Variants in PPP1R42 observed in about 807,000 individuals in gnomAD.
PPP1R42 encodes leucine rich repeat containing 67.
A neutral mutation model predicts 31.0 loss-of-function variants in PPP1R42; 34 were observed. The observed-to-expected ratio is 1.10, with a 90% CI of 0.83 to 1.46. The LOEUF (loss-of-function observed/expected upper bound fraction) is 1.46, where lower values mean the gene tolerates loss of function less well. Ranked by LOEUF, PPP1R42 falls within the 40% of genes most tolerant of loss-of-function variation. PPP1R42 has a pLI of 0.00. For missense variants in PPP1R42, 268 were observed against 303.0 expected, an observed-to-expected ratio of 0.88 and a Z score of 0.86; for synonymous variants, 103 against 109.8, an observed-to-expected ratio of 0.94 and a Z score of 0.39.
chr8:66,984,243 C>T (rs554727885), intron 6 of PPP1R42: 22 of 1,495,348 alleles, frequency 1.5e-5, no homozygotes, highest in Non-Finnish European at 2.0e-5. Context: ...ACTGTTTAAA[C>T]TTCATCTCTC....
intron 7 of PPP1R42, among the ~76,000 whole-genome samples, chr8:66,965,444 CT>C (rs113305646): frequency 1.9e-3 from 263 of 139,060 alleles, no homozygotes; most frequent in Middle Eastern, 3.6e-3. Context: ...CTTCTTTTTT[CT>C]TTTTTTTTTT....
rs976337576 is a variant in PPP1R42, at chr8:67,028,400, T to A, written c.-85+91A>T. 8.6e-5 allele frequency: 58 copies of A among 675,640 alleles called. No individual in the cohort carries two copies. In the African/African-American group the frequency reaches 1.1e-3, roughly 13 times the overall value. The allele number at this position is 675,640 out of a possible 1,614,324, so 41.9% of individuals were successfully genotyped here. Reference sequence around the variant, plus strand: ...GCCCAAGGATCTGCATTTTAACAAATGTCCCGGAAAGTCTTACTGGCAGGC... The same window carrying A: ...GCCCAAGGATCTGCATTTTAACAAAAGTCCCGGAAAGTCTTACTGGCAGGC... On this transcript the variant is annotated intron_variant, in intron 1 of 7. Transcript: ENST00000685739.
At chr8:66,999,098 G>A (rs148744948) in intron 5 of PPP1R42, among the ~76,000 whole-genome samples, 1 of 151,958 alleles carries the variant, frequency 6.6e-6, no homozygotes, top group Non-Finnish European at 1.5e-5. Flanking sequence ...TTGTTCCCCC[G>A]GCCAGCTGGA....
chr8:67,017,868 T>G, intron 1 of PPP1R42, 37 bp from the exon 2 acceptor site: 8 of 1,062,582 alleles, frequency 7.5e-6, no homozygotes, highest in Non-Finnish European at 8.7e-6. Flanking sequence ...TATGATATCA[T>G]AGCAATTTAA....
chr8:66,985,842 G>C, intron 6 of PPP1R42: 1 of 1,209,286 alleles, frequency 8.3e-7, no homozygotes, highest in South Asian at 1.3e-5. Flanking sequence ...TCTGATGGAG[G>C]CCCAGGGATC....
intron 2 of PPP1R42, among the ~76,000 whole-genome samples, chr8:67,017,273 C>A (rs1416546432): frequency 6.6e-6 from 1 of 152,066 alleles, no homozygotes; most frequent in African/African-American, 2.4e-5. Flanking sequence ...GCTCAGAAGT[C>A]TGAGCTCAAG....
At chr8:67,001,339 G>T (rs1815483101) in intron 5 of PPP1R42, among the ~76,000 whole-genome samples, 1 of 147,086 alleles carries the variant, frequency 6.8e-6, no homozygotes, top group Non-Finnish European at 1.5e-5. Context: ...GCGTCACCAT[G>T]CCCGGTTAAG....
chr8:67,017,646 A>T lies in PPP1R42; in HGVS notation c.102T>A (p.Asn34Lys), dbSNP rs749799294. The change falls in exon 2 of 8, where the codon AAT (asparagine) becomes AAA (lysine). Residue 34 changes from asparagine to lysine, a missense_variant. By Grantham distance (94) the Asn-to-Lys change is moderately conservative (BLOSUM62 0). Transcript: ENST00000685739. ...TTGCATCTATATTTTTGTCTGAAAAATTTATATGAGTTATTTTCTTCAGGC... is the reference window on the plus strand; with the variant it reads ...TTGCATCTATATTTTTGTCTGAAAATTTTATATGAGTTATTTTCTTCAGGC... ...SQCLKKITHI[N>K]FSDKNIDAIE... 6.2e-5 allele frequency: 97 copies of T among 1,566,806 alleles called. No homozygotes were observed. The highest frequency in any genetic ancestry group is 3.5e-5 in the Non-Finnish European group (40 of 1,157,268).
At chr8:66,975,386 G>T (rs902207862) in intron 7 of PPP1R42, among the ~76,000 whole-genome samples, 40 of 152,218 alleles carry the variant, frequency 2.6e-4, no homozygotes, top group Admixed American at 1.1e-3. Flanking sequence ...AGTGGCTCAT[G>T]CCTGTAATCC....
At chr8:66,976,545 C>A (rs1448470411) in intron 7 of PPP1R42, among the ~76,000 whole-genome samples, 1 of 151,908 alleles carries the variant, frequency 6.6e-6, no homozygotes, top group African/African-American at 2.4e-5. Flanking sequence ...TTGCCTTATT[C>A]CCTCTGGCCT....
chr8:67,011,156 T>C (rs1264878288), intron 4 of PPP1R42, among the ~76,000 whole-genome samples: 1 of 152,140 alleles, frequency 6.6e-6, no homozygotes, highest in Admixed American at 6.6e-5. Context: ...GATGCCCCAA[T>C]AAACAAGTAA....
At chr8:67,011,040 C>T (rs193034556) in intron 4 of PPP1R42, among the ~76,000 whole-genome samples, 144 of 151,812 alleles carry the variant, frequency 9.5e-4, no homozygotes, top group Admixed American at 1.6e-3. Flanking sequence ...ATAACTTACC[C>T]GTTCTCCCTA....
intron 6 of PPP1R42, among the ~76,000 whole-genome samples, chr8:66,986,615 A>T (rs1176945789): frequency 6.6e-6 from 1 of 152,326 alleles, no homozygotes. Context: ...GTTTCCGTGA[A>T]CAAGTTGCTT....
chr8:66,985,616 T>G, intron 6 of PPP1R42: 1 of 1,373,640 alleles, frequency 7.3e-7, no homozygotes, highest in Non-Finnish European at 1.0e-6. Flanking sequence ...TCAGCTGTTT[T>G]CCTTGCCTTC....
At chr8:66,971,077 A>C (rs975040229) in intron 7 of PPP1R42, 8 of 1,534,420 alleles carry the variant, frequency 5.2e-6, no homozygotes, top group Admixed American at 2.0e-5. Context: ...GAAAAAGGCT[A>C]ATTTTGGCTT....
At chr8:66,967,793 T>G (rs11985129) in intron 7 of PPP1R42, among the ~76,000 whole-genome samples, 3,684 of 152,254 alleles carry the variant, frequency 0.024, 131 homozygotes, top group African/African-American at 0.082. Flanking sequence ...AAAGTTACTA[T>G]TTTTACATTA....
At chr8:67,019,345 A>G (rs1236544521) in intron 1 of PPP1R42, among the ~76,000 whole-genome samples, 1 of 144,798 alleles carries the variant, frequency 6.9e-6, no homozygotes, top group Non-Finnish European at 1.5e-5. Context: ...GGGTTCAAGC[A>G]ATTCTCTGCC....
At chr8:66,971,012 C>T in intron 7 of PPP1R42, 1 of 1,527,060 alleles carries the variant, frequency 6.5e-7, no homozygotes, top group Non-Finnish European at 8.7e-7. Flanking sequence ...GTGTAATCTT[C>T]TCAGGAACTT....
chr8:67,025,544 G>GT (rs112945724), intron 1 of PPP1R42, among the ~76,000 whole-genome samples: 9,808 of 141,318 alleles, frequency 0.069, 657 homozygotes, highest in African/African-American at 0.18. Context: ...CCATCTTAGG[G>GT]TTTTTTTTTT....
Sources: allele counts gnomAD v4.1 joint callset (sites outside exome capture counted in the v4.1 genomes callset), GRCh38; gene constraint gnomAD v4.1.1; transcripts MANE v1.5; gene names NCBI Gene and HGNC (gene_info 2026-07-23, HGNC 2026-07-21).